CLPTM1: variants seen among roughly 807,000 people sequenced by gnomAD.
CLPTM1 encodes the protein CLPTM1 regulator of GABA type A receptor forward trafficking.
CLPTM1 carries 21 observed loss-of-function variants against 77.3 expected under a neutral mutation model. That is an observed-to-expected ratio of 0.27 (90% CI 0.19 to 0.39). The LOEUF (loss-of-function observed/expected upper bound fraction) is 0.39. Ranked by LOEUF, CLPTM1 falls within the 10% of genes least tolerant of loss-of-function variation. The pLI, the probability that CLPTM1 is intolerant of heterozygous loss-of-function variation, is 1.00. For missense variants in CLPTM1, 642 were observed against 921.2 expected (o/e 0.70, Z 3.92); for synonymous variants, 373 against 381.0 (o/e 0.98, Z 0.24).
chr19:44,985,907 A>T (rs569731070), intron 6 of CLPTM1, among the ~76,000 whole-genome samples: 32 of 152,192 alleles, frequency 2.1e-4, no homozygotes, highest in Admixed American at 2.0e-3. Context: ...CTGGCCTAGG[A>T]TGCCAGCCCT....
chr19:44,987,069 C>A, intron 7 of CLPTM1, 110 bp from the exon 8 acceptor site: 1 of 1,382,318 alleles, frequency 7.2e-7, no homozygotes, highest in Non-Finnish European at 9.8e-7. Context: ...TGTCCCCTGT[C>A]CTCCAGTCTC....
At chr19:44,986,332 C>G (rs1427794816) in intron 6 of CLPTM1, 123 bp from the exon 7 acceptor site, 2 of 1,326,618 alleles carry the variant, frequency 1.5e-6, no homozygotes, top group Middle Eastern at 1.9e-4. Flanking sequence ...GACCCCATCT[C>G]AGAAAAAAAA....
chr19:44,989,709 G>A (rs1467675342), intron 9 of CLPTM1, among the ~76,000 whole-genome samples: 2 of 152,164 alleles, frequency 1.3e-5, no homozygotes, highest in African/African-American at 2.4e-5. Flanking sequence ...CTACAGACGT[G>A]GTGGCTCAGC....
rs1970997743 is a variant in CLPTM1, at chr19:44,987,414, C to T, written c.1029C>T (p.Asp343=). 2 of 1,613,540 alleles carry T rather than the reference C, an allele frequency of 1.2e-6. No homozygotes were observed. The highest frequency in any genetic ancestry group is 1.3e-5 in the African/African-American group (1 of 74,950). ...ACGAGCAGTCAGATGAGGAGCAGGACTCGGTGAAGGTGAGTGCGGCCGGTG... is the reference window on the plus strand; with the variant it reads ...ACGAGCAGTCAGATGAGGAGCAGGATTCGGTGAAGGTGAGTGCGGCCGGTG... ...ELYEQSDEEQ[D]SVKVALLETN... Residue 343 remains aspartate (D), a synonymous_variant, in exon 8 of 14, where the codon GAC becomes GAT. Coordinates refer to ENST00000337392, the MANE Select transcript of CLPTM1 (RefSeq NM_001294.4).
At chr19:44,986,975 C>T (rs1374932388) in intron 7 of CLPTM1, 1 of 642,808 alleles carries the variant, frequency 1.6e-6, no homozygotes, top group Non-Finnish European at 2.7e-6. Context: ...CTGCCCCCTT[C>T]AGTGGGGACC....
In CLPTM1 at chr19:44,973,130, C is replaced by T. The variant is rs1970748014; in HGVS notation, c.229C>T (p.Pro77Ser). 1.9e-6 allele frequency: 3 copies of T among 1,614,046 alleles called. No individual in the cohort carries two copies. The highest frequency in any genetic ancestry group is 4.5e-5 in the East Asian group (2 of 44,884). The change falls in exon 3 of 14, where the codon CCG becomes TCG. Residue 77 changes from proline (P) to serine (S), a missense_variant. By Grantham distance (74) the Pro-to-Ser change is moderately conservative (BLOSUM62 -1). Around this residue, in one of 2 missense-constraint regions of CLPTM1, gnomAD observed 121 missense variants for 120.8 expected, o/e 1.00. Coordinates refer to ENST00000337392, the MANE Select transcript of CLPTM1 (RefSeq NM_001294.4). ...CATCAGCAGTTGGTTCCGCCGAGGG[C>T]CGGCCCCTCAGGACCAGGCGGGCCC... is the stretch of plus-strand genomic sequence containing the variant. ...WAISSWFRRG[P>S]APQDQAGPGG... is the part of the protein sequence containing the mutation.
intron 3 of CLPTM1, 97 bp from the exon 4 acceptor site, chr19:44,974,341 GT>G: frequency 1.6e-6 from 2 of 1,224,510 alleles, no homozygotes; most frequent in African/African-American, 3.0e-5. Flanking sequence ...CATAATTACT[GT>G]TCCCCTGAGT....
Position 44,990,144 on chromosome 19 carries a change from A to G in CLPTM1, c.1133-251A>G. The G allele has an allele frequency of 1.9e-6, 1 of 533,426 alleles. No individual in the cohort carries two copies. The highest frequency in any genetic ancestry group is 3.3e-6 in the Non-Finnish European group (1 of 298,866). 33.0% of individuals were successfully genotyped at this position (533,426 alleles called of 1,614,324 possible). A position where few individuals can be genotyped will look rare whatever the true frequency, so the allele number is the denominator to read the frequency against. ...AGTCACCGTCACCATCAGTCAAGGG[A>G]CTGCACCTTGGGGTGCTGGGTGCTG... is the stretch of plus-strand genomic sequence containing the variant. On this transcript the variant is annotated intron_variant, in intron 9 of 13. Coordinates refer to ENST00000337392, the MANE Select transcript of CLPTM1 (RefSeq NM_001294.4). The surrounding 1 kb of genome is among the most constrained non-coding windows in gnomAD (Gnocchi z 4.8).
chr19:44,973,153 C>T lies in CLPTM1; in HGVS notation c.252C>T (p.Gly84=), dbSNP rs1970748634. The part of the protein sequence containing the change: ...RRGPAPQDQA[G]PGGAPRVASR... ...GGCCGGCCCCTCAGGACCAGGCGGGCCCCGGAGGAGCTCCACGCGTCGCCA... is the reference window on the plus strand; with the variant it reads ...GGCCGGCCCCTCAGGACCAGGCGGGTCCCGGAGGAGCTCCACGCGTCGCCA... Residue 84 remains glycine, a synonymous_variant, in exon 3 of 14, where the codon GGC becomes GGT. Coordinates refer to ENST00000337392, the MANE Select transcript of CLPTM1 (RefSeq NM_001294.4). 3 of 1,614,028 alleles carry T rather than the reference C, an allele frequency of 1.9e-6. No individual in the cohort carries two copies. The highest frequency in any genetic ancestry group is 2.7e-5 in the African/African-American group (2 of 75,062).
intron 5 of CLPTM1, among the ~76,000 whole-genome samples, chr19:44,979,488 C>T (rs1335288287): frequency 6.6e-6 from 1 of 152,116 alleles, no homozygotes. Context: ...GGTTAAGATC[C>T]ATCTGGCTGG....
chr19:44,958,051 T>G (rs1970489976), intron 1 of CLPTM1, among the ~76,000 whole-genome samples: 1 of 151,426 alleles, frequency 6.6e-6, no homozygotes, highest in African/African-American at 2.4e-5. Flanking sequence ...AAAGCTGGGA[T>G]GGGGATAGGA....
Position 44,992,860 on chromosome 19 carries a change from C to A in CLPTM1, c.1973C>A (p.Ala658Asp). 1 of 1,613,840 alleles carries A rather than the reference C, an allele frequency of 6.2e-7. No homozygotes were observed. The highest frequency in any genetic ancestry group is 8.5e-7 in the Non-Finnish European group (1 of 1,179,890). Residue 658 changes from alanine (A) to aspartate (D), a missense_variant, in exon 14 of 14, where the codon GCC (alanine) becomes GAC (aspartate). Transcript: ENST00000337392. This position sits in a 1 kb window ranked among gnomAD's most constrained non-coding sequence, Gnocchi z 7.7. ...AGCTCTGCCAGCGAGCCCCAGGAAGCCCCTCCAAAGCCAGCAGAGGACAAG... is the reference window on the plus strand; with the variant it reads ...AGCTCTGCCAGCGAGCCCCAGGAAGACCCTCCAAAGCCAGCAGAGGACAAG... ...GASSASEPQE[A>D]PPKPAEDKKK...
Position 44,990,614 on chromosome 19 carries a change from G to A in CLPTM1, c.1323+29G>A, listed in dbSNP as rs1444492351. ...AGGCTGGGGCGCCATGCTGTCTCGG[G>A]AGCTGCAGGGGTTGGGAGGGGGTAG... is the stretch of plus-strand genomic sequence containing the variant. On this transcript the variant is annotated intron_variant, in intron 10 of 13. Coordinates refer to ENST00000337392, the MANE Select transcript of CLPTM1 (RefSeq NM_001294.4). The surrounding 1 kb of genome is among the most constrained non-coding windows in gnomAD (Gnocchi z 4.8). The A allele has an allele frequency of 8.1e-6, 13 of 1,608,342 alleles. 2 individuals are homozygous for A. The South Asian group carries it at 1.4e-4, about 18-fold the overall frequency.
intron 7 of CLPTM1, 187 bp from the exon 8 acceptor site, chr19:44,986,992 C>T (rs780415941): frequency 7.0e-6 from 5 of 713,080 alleles, no homozygotes; most frequent in Non-Finnish European, 1.2e-5. Flanking sequence ...GACCTGCCTG[C>T]CCTTTGCCTC....
At chr19:44,987,141 G>C in intron 7 of CLPTM1, 38 bp from the exon 8 acceptor site, 1 of 1,585,336 alleles carries the variant, frequency 6.3e-7, no homozygotes, top group Non-Finnish European at 8.6e-7. Flanking sequence ...CTGGCCTCCT[G>C]CCCGGGCCAA....
At chr19:44,961,539 T>G (rs1265436349) in intron 1 of CLPTM1, among the ~76,000 whole-genome samples, 2 of 152,168 alleles carry the variant, frequency 1.3e-5, no homozygotes, top group Non-Finnish European at 2.9e-5. Flanking sequence ...CTTCTCTCAC[T>G]TCCTCCTTTG....
intron 4 of CLPTM1, among the ~76,000 whole-genome samples, chr19:44,975,883 G>A (rs1276947145): frequency 6.6e-6 from 1 of 151,968 alleles, no homozygotes. Context: ...TTCTTTTTGA[G>A]ATGGGGTCTT....
intron 5 of CLPTM1, among the ~76,000 whole-genome samples, chr19:44,981,501 A>G (rs925292295): frequency 4.6e-5 from 7 of 152,182 alleles, no homozygotes; most frequent in Non-Finnish European, 7.3e-5. Context: ...AGGCTCAGGT[A>G]GAAGGATCAT....
intron 4 of CLPTM1, among the ~76,000 whole-genome samples, chr19:44,976,800 C>T (rs1380076739): frequency 6.6e-6 from 1 of 152,202 alleles, no homozygotes; most frequent in Non-Finnish European, 1.5e-5. Flanking sequence ...TTGCCACACA[C>T]TATGTGACCC....
Sources: allele counts gnomAD v4.1 joint callset (sites outside exome capture counted in the v4.1 genomes callset), GRCh38; gene constraint gnomAD v4.1.1; regional missense constraint gnomAD v4.1.1; non-coding constraint Gnocchi (gnomAD v3.1); transcripts MANE v1.5; gene names NCBI Gene and HGNC (gene_info 2026-07-23, HGNC 2026-07-21).